Variants in SCNN1B observed in about 807,000 individuals in gnomAD.
SCNN1B encodes sodium channel epithelial 1 subunit beta.
A neutral mutation model predicts 65.3 loss-of-function variants in SCNN1B; 46 were observed. That is an observed-to-expected ratio of 0.70 (90% CI 0.56 to 0.90). SCNN1B has a LOEUF of 0.90. Among genes scored for constraint, SCNN1B ranks in the 40% least tolerant of loss-of-function variants. The pLI is 0.00. For missense variants in SCNN1B, 751 were observed against 830.5 expected (o/e 0.90, Z 1.18); for synonymous variants, 349 against 330.6 (o/e 1.06, Z -0.60).
intron 1 of SCNN1B, among the ~76,000 whole-genome samples, chr16:23,283,219 T>C (rs1960806059): frequency 6.6e-6 from 1 of 152,224 alleles, no homozygotes; most frequent in African/African-American, 2.4e-5. Flanking sequence ...AAGACCAGCC[T>C]GGCCAACATG....
At chr16:23,338,009 C>T (rs1961980087) in intron 1 of SCNN1B, among the ~76,000 whole-genome samples, 1 of 152,122 alleles carries the variant, frequency 6.6e-6, no homozygotes, top group African/African-American at 2.4e-5. Flanking sequence ...AAGGTTGAGG[C>T]TGCAGTGAGC....
intron 3 of SCNN1B, among the ~76,000 whole-genome samples, chr16:23,353,398 C>T (rs926432034): frequency 4.6e-5 from 7 of 152,292 alleles, no homozygotes; most frequent in African/African-American, 7.2e-5. Flanking sequence ...AATCTTTCTC[C>T]GTCTTGGTTC....
At chr16:23,343,068 C>T (rs1305339296) in intron 1 of SCNN1B, among the ~76,000 whole-genome samples, 1 of 152,154 alleles carries the variant, frequency 6.6e-6, no homozygotes, top group African/African-American at 2.4e-5. Flanking sequence ...CTACCCCACA[C>T]TATATGCAAA....
At chr16:23,326,464 T>C (rs548166351) in intron 1 of SCNN1B, among the ~76,000 whole-genome samples, 1 of 152,110 alleles carries the variant, frequency 6.6e-6, no homozygotes, top group African/African-American at 2.4e-5. Context: ...GTTTTTTGTT[T>C]TGTTTCTTTG....
rs959757322 is a variant in SCNN1B at position 23,286,086 on chromosome 16, C to G, written n.178+2282C>G. On this transcript the variant is annotated intron_variant and non_coding_transcript_variant, in intron 2 of 3. Coordinates refer to the SCNN1B transcript ENST00000569789. ...AAACAGAAAAGGAGGAACTATTTGT[C>G]ATCATTGGAGGCAGCTGTTGCATCA... Among the ~76,000 whole-genome samples, 4 of 152,120 alleles carry G rather than the reference C, an allele frequency of 2.6e-5. No individual in the cohort carries two copies. In the East Asian group the frequency reaches 7.7e-4, roughly 29 times the overall value.
chr16:23,372,200 T>C (rs867339621), intron 7 of SCNN1B: 1 of 438,992 alleles, frequency 2.3e-6, no homozygotes, highest in South Asian at 2.2e-5. Context: ...TTCCATTGTG[T>C]GTGAAATGCT....
In SCNN1B at chr16:23,380,759, G is replaced by A. The variant is rs369141410; in HGVS notation, c.1881G>A (p.Pro627=). 1.7e-5 allele frequency: 28 copies of A among 1,612,504 alleles called. No homozygotes were observed. Among genetic ancestry groups the A allele is most frequent in the Middle Eastern group, 1.8e-4 (1 of 5,694 alleles). ...ACTATGACTCCCTGCGTCTGCAGCC[G>A]CTGGACGTCATCGAGTCTGACAGTG... ...PPNYDSLRLQ[P]LDVIESDSEG... Residue 627 remains proline, a synonymous_variant, in exon 13 of 13, where the codon CCG becomes CCA. Coordinates refer to ENST00000343070, the MANE Select transcript of SCNN1B (RefSeq NM_000336.3). The surrounding 1 kb of genome is among the most constrained non-coding windows in gnomAD (Gnocchi z 5.4).
Position 23,371,258 on chromosome 16 carries a change from A to G in SCNN1B, c.881-41A>G, listed in dbSNP as rs1199620156. 4 of 1,610,656 alleles carry G rather than the reference A, an allele frequency of 2.5e-6. No homozygotes were observed. The Admixed American group carries it at 6.7e-5, about 27-fold the overall frequency. On this transcript the variant is annotated intron_variant, in intron 5 of 12. Coordinates refer to ENST00000343070, the MANE Select transcript of SCNN1B (RefSeq NM_000336.3). ...GGTAGTGGGGTCTCCTTTCTGCCTC[A>G]GGAGAAAGTTCAGGCAGCCCTCACC...
intron 1 of SCNN1B, among the ~76,000 whole-genome samples, chr16:23,315,448 A>G (rs1404015537): frequency 6.6e-6 from 1 of 152,170 alleles, no homozygotes; most frequent in East Asian, 1.9e-4. Context: ...CATGAAACCC[A>G]TTCTGGAGGC....
chr16:23,325,539 T>G (rs939976258), intron 1 of SCNN1B, among the ~76,000 whole-genome samples: 6 of 142,106 alleles, frequency 4.2e-5, no homozygotes, highest in African/African-American at 1.3e-4. Flanking sequence ...AGTGCTGGGA[T>G]TACAGGTATG....
intron 1 of SCNN1B, among the ~76,000 whole-genome samples, chr16:23,319,775 GT>G (rs1205266458): frequency 4.1e-5 from 6 of 148,042 alleles, no homozygotes; most frequent in Admixed American, 6.8e-5. Flanking sequence ...TTTATTTTTT[GT>G]TTTTTTTTTG....
chr16:23,374,895 C>A (rs892076106), intron 7 of SCNN1B, among the ~76,000 whole-genome samples: 1 of 152,032 alleles, frequency 6.6e-6, no homozygotes, highest in African/African-American at 2.4e-5. Flanking sequence ...CAATGAAACA[C>A]CAAGAACCAC....
At chr16:23,360,983 A>G (rs1031925324) in intron 4 of SCNN1B, among the ~76,000 whole-genome samples, 5 of 152,052 alleles carry the variant, frequency 3.3e-5, no homozygotes, top group Admixed American at 2.6e-4. Context: ...TTTAGTAGAG[A>G]CAGGGTTTCA....
rs1962923250 is a variant in SCNN1B at position 23,377,379 on chromosome 16, C to T, written c.1397C>T (p.Ala466Val). 1 of 1,614,180 alleles carries T rather than the reference C, an allele frequency of 6.2e-7. No homozygotes were observed. The highest frequency in any genetic ancestry group is 1.1e-5 in the South Asian group (1 of 91,088). Residue 466 changes from alanine to valine, a missense_variant, in exon 10 of 13, where the codon GCC becomes GTC. Coordinates refer to ENST00000343070, the MANE Select transcript of SCNN1B (RefSeq NM_000336.3). Reference protein sequence around the residue: ...TISMADWPSEASEDWIFHVLS... With the variant: ...TISMADWPSEVSEDWIFHVLS... Reference sequence around the variant, plus strand: ...TCCATGGCTGACTGGCCTTCTGAGGCCTCCGAGGTGAGACAGTTGGGGGCC... The same window carrying T: ...TCCATGGCTGACTGGCCTTCTGAGGTCTCCGAGGTGAGACAGTTGGGGGCC...
chr16:23,356,420 T>A (rs1962422195), intron 4 of SCNN1B, among the ~76,000 whole-genome samples: 1 of 150,068 alleles, frequency 6.7e-6, no homozygotes, highest in African/African-American at 2.5e-5. Context: ...AGGCCAGGAG[T>A]TCAAGACCAG....
chr16:23,356,131 G>A (rs1377610112), intron 4 of SCNN1B, among the ~76,000 whole-genome samples: 1 of 152,142 alleles, frequency 6.6e-6, no homozygotes, highest in African/African-American at 2.4e-5. Context: ...TTCCCAACAG[G>A]TTGATGAGGT....
chr16:23,379,370 C>G (rs1962987855), intron 11 of SCNN1B, among the ~76,000 whole-genome samples: 1 of 152,148 alleles, frequency 6.6e-6, no homozygotes, highest in Non-Finnish European at 1.5e-5. Context: ...AGAGGAGGGT[C>G]TGTACAAGCC....
At chr16:23,314,616 G>C (rs570684827) in intron 1 of SCNN1B, among the ~76,000 whole-genome samples, 1 of 152,138 alleles carries the variant, frequency 6.6e-6, no homozygotes, top group Non-Finnish European at 1.5e-5. Flanking sequence ...GAGTGTGGAG[G>C]AGGAGGGGAA....
chr16:23,347,662 C>T (rs968026744), intron 1 of SCNN1B, among the ~76,000 whole-genome samples: 3 of 152,234 alleles, frequency 2.0e-5, no homozygotes, highest in Admixed American at 6.5e-5. Flanking sequence ...AATGCCAGCA[C>T]TTTGGGATGC....
Sources: gnomAD v4.1 joint callset for allele counts (sites outside exome capture counted in the v4.1 genomes callset) on GRCh38, gnomAD v4.1.1 for gene constraint, Gnocchi (gnomAD v3.1) non-coding constraint, MANE v1.5 for transcripts, NCBI Gene and HGNC (gene_info 2026-07-23, HGNC 2026-07-21) for gene names.